The following MMP26 variants were observed in gnomAD, a reference collection of about 807,000 sequenced individuals.
The protein encoded by MMP26 is matrix metallopeptidase 26.
Under a neutral mutation model 31.0 loss-of-function variants are expected in MMP26, and 33 were observed. That is an observed-to-expected ratio of 1.06 (90% confidence interval 0.81 to 1.42). The LOEUF is 1.42. MMP26 is among the 40% of genes most tolerant of loss of function. MMP26 has a pLI of 0.00. For synonymous variants in MMP26, 122 were observed against 114.9 expected, an observed-to-expected ratio of 1.06 and a Z score of -0.40; for missense variants, 347 against 316.1, an observed-to-expected ratio of 1.10 and a Z score of -0.74.
In MMP26 at chr11:4,923,354, C is replaced by T. The variant is rs193119485; in HGVS notation, c.-144-64714C>T. ...AAACCTGTGGGCTTTATGTCCAAAACTTCCTCTCTTTACTCTAACTTAATC... is the reference window on the plus strand; with the variant it reads ...AAACCTGTGGGCTTTATGTCCAAAATTTCCTCTCTTTACTCTAACTTAATC... On this transcript the variant is annotated intron_variant, in intron 2 of 7. Coordinates refer to ENST00000380390, the MANE Select transcript of MMP26 (RefSeq NM_021801.5). 2,308 of 1,519,240 alleles carry T rather than the reference C, an allele frequency of 1.5e-3. 2 individuals carry two copies. Among genetic ancestry groups the T allele is most frequent in the Non-Finnish European group, 1.7e-3 (1,878 of 1,135,060 alleles). The allele number at this position is 1,519,240 out of a possible 1,614,324, so 94.1% of individuals were successfully genotyped here.
chr11:4,901,091 G>T (rs143659574), intron 2 of MMP26, among the ~76,000 whole-genome samples: 1 of 149,022 alleles, frequency 6.7e-6, no homozygotes, highest in African/African-American at 2.5e-5. Flanking sequence ...TAGGGAAAGT[G>T]CACCACATTG....
intron 2 of MMP26, among the ~76,000 whole-genome samples, chr11:4,923,027 G>A (rs1851206854): frequency 6.6e-6 from 1 of 152,180 alleles, no homozygotes; most frequent in African/African-American, 2.4e-5. Flanking sequence ...AGAATTGAAA[G>A]ATGAAACTTT....
At chr11:4,851,330 A>G (rs1849972830) in intron 2 of MMP26, among the ~76,000 whole-genome samples, 1 of 152,150 alleles carries the variant, frequency 6.6e-6, no homozygotes, top group Admixed American at 6.5e-5. Context: ...TTTGGTGGCA[A>G]GGAAATAGGG....
At chr11:4,744,859 G>T (rs7107760) in intron 1 of MMP26, among the ~76,000 whole-genome samples, 6,670 of 152,020 alleles carry the variant, frequency 0.044, 470 homozygotes, top group African/African-American at 0.15. Flanking sequence ...CACAATGAAG[G>T]TTATTAACCT....
At chr11:4,777,444 T>C (rs980517190) in intron 2 of MMP26, among the ~76,000 whole-genome samples, 2 of 152,092 alleles carry the variant, frequency 1.3e-5, no homozygotes, top group African/African-American at 4.8e-5. Flanking sequence ...AATAAGGAAT[T>C]TATCCTTAAA....
intron 2 of MMP26, chr11:4,849,044 C>G: frequency 6.2e-7 from 1 of 1,613,982 alleles, no homozygotes; most frequent in Non-Finnish European, 8.5e-7. Context: ...GGGCAATGAT[C>G]CAGAGGATGG....
intron 2 of MMP26, among the ~76,000 whole-genome samples, chr11:4,843,817 A>T (rs908993650): frequency 1.3e-5 from 2 of 152,204 alleles, no homozygotes; most frequent in South Asian, 4.1e-4. Context: ...TCCCAAACTC[A>T]TATGTTCTGC....
intron 2 of MMP26, chr11:4,945,680 C>T (rs1846287075): frequency 1.0e-5 from 2 of 190,516 alleles, no homozygotes; most frequent in South Asian, 1.0e-4. Flanking sequence ...ATGCTCACTA[C>T]CCGGGTCCCA....
intron 1 of MMP26, among the ~76,000 whole-genome samples, chr11:4,762,043 GA>G (rs1848574850): frequency 6.6e-6 from 1 of 151,972 alleles, no homozygotes; most frequent in Non-Finnish European, 1.5e-5. Flanking sequence ...TCTGTACAGT[GA>G]TTATTGTTTT....
At chr11:4,940,327 A>T (rs1420581344) in intron 2 of MMP26, among the ~76,000 whole-genome samples, 1 of 152,118 alleles carries the variant, frequency 6.6e-6, no homozygotes. Flanking sequence ...CTGCCCACCA[A>T]AGTGTACACT....
intron 2 of MMP26, chr11:4,908,578 C>G (rs563189630): frequency 2.1e-6 from 1 of 476,348 alleles, no homozygotes; most frequent in Non-Finnish European, 3.8e-6. Context: ...TGAGTCAACC[C>G]ATAAAGAATG....
intron 1 of MMP26, among the ~76,000 whole-genome samples, chr11:4,737,551 G>A (rs921770436): frequency 6.6e-6 from 1 of 152,208 alleles, no homozygotes; most frequent in South Asian, 2.1e-4. Context: ...GCTGAGGCAG[G>A]AGAATCGCTT....
chr11:4,732,326 C>A (rs1456070553), intron 1 of MMP26, among the ~76,000 whole-genome samples: 1 of 151,940 alleles, frequency 6.6e-6, no homozygotes, highest in Non-Finnish European at 1.5e-5. Flanking sequence ...TAATCTTTTT[C>A]TTCTTATTTT....
intron 2 of MMP26, among the ~76,000 whole-genome samples, chr11:4,911,923 TCAA>T (rs1850998250): frequency 6.6e-6 from 1 of 152,180 alleles, no homozygotes; most frequent in African/African-American, 2.4e-5. Context: ...AGAAGAACAC[TCAA>T]CAACTTTTTT....
At chr11:4,769,325 C>A (rs749009953) in intron 2 of MMP26, 1 of 1,613,382 alleles carries the variant, frequency 6.2e-7, no homozygotes, top group Non-Finnish European at 8.5e-7. Flanking sequence ...TCCACAGATG[C>A]TATTTGCCCG....
At chr11:4,786,706 C>A (rs1469620381) in intron 2 of MMP26, 1 of 152,108 alleles carries the variant, frequency 6.6e-6, no homozygotes, top group Non-Finnish European at 1.5e-5. Flanking sequence ...AGTTCCCCTG[C>A]TCAGTATGGG....
chr11:4,977,127 C>A (rs1402974350), intron 2 of MMP26, among the ~76,000 whole-genome samples: 1 of 151,186 alleles, frequency 6.6e-6, no homozygotes, highest in Non-Finnish European at 1.5e-5. Context: ...TTAAAGATTT[C>A]TTGCTCTTGT....
chr11:4,787,195 G>A (rs17227978), intron 2 of MMP26: 14,446 of 152,384 alleles, frequency 0.095, 859 homozygotes, highest in Middle Eastern at 0.15. Context: ...AAAGATTGGT[G>A]TAGCAATAGT....
At chr11:4,920,363 T>C (rs76985049) in intron 2 of MMP26, among the ~76,000 whole-genome samples, 8,402 of 152,226 alleles carry the variant, frequency 0.055, 337 homozygotes, top group East Asian at 0.24. Context: ...CCTTTCATAC[T>C]GTTTCCACAA....
Sources: allele counts gnomAD v4.1 joint callset (sites outside exome capture counted in the v4.1 genomes callset), GRCh38; gene constraint gnomAD v4.1.1; transcripts MANE v1.5; gene names NCBI Gene and HGNC (gene_info 2026-07-23, HGNC 2026-07-21).